The following THSD4 variants were observed in gnomAD, a reference collection of about 807,000 sequenced individuals.
THSD4 encodes the protein thrombospondin type-1 domain-containing protein 4.
THSD4 carries 69 observed loss-of-function variants against 119.0 expected under a neutral mutation model. The ratio of observed to expected loss-of-function variants is 0.58; its 90% CI spans 0.48 to 0.71. The LOEUF (loss-of-function observed/expected upper bound fraction) is 0.71, where lower values mean the gene tolerates loss of function less well. Ranked by LOEUF, THSD4 falls within the 30% of genes least tolerant of loss-of-function variation. The pLI is 0.00. For synonymous variants in THSD4, 524 were observed against 540.4 expected (o/e 0.97, Z 0.42); for missense variants, 1,393 against 1,391.1 (o/e 1.00, Z -0.02).
intron 7 of THSD4, among the ~76,000 whole-genome samples, chr15:71,507,200 C>A (rs1325863668): frequency 6.6e-6 from 1 of 152,186 alleles, no homozygotes; most frequent in Non-Finnish European, 1.5e-5. Context: ...CCCGCTGGCT[C>A]AGAGCTCTGC....
chr15:71,405,328 G>T (rs926205968), intron 6 of THSD4, among the ~76,000 whole-genome samples: 14 of 152,320 alleles, frequency 9.2e-5, no homozygotes, highest in African/African-American at 3.4e-4. Flanking sequence ...CCTAAAAGCA[G>T]AATTGTTGGG....
chr15:71,554,282 G>C (rs72475956), intron 7 of THSD4, among the ~76,000 whole-genome samples: 1 of 150,058 alleles, frequency 6.7e-6, no homozygotes, highest in East Asian at 2.0e-4. Flanking sequence ...TTTTTTAGTA[G>C]AGATGGGTTT....
intron 11 of THSD4, 55 bp from the exon 12 acceptor site, chr15:71,745,051 A>G: frequency 6.4e-7 from 1 of 1,568,656 alleles, no homozygotes; most frequent in East Asian, 2.3e-5. Flanking sequence ...CTCCACCCAT[A>G]GCCCAGCTTT....
chr15:71,517,544 C>A (rs763551009), intron 7 of THSD4, among the ~76,000 whole-genome samples: 5 of 152,134 alleles, frequency 3.3e-5, no homozygotes, highest in Non-Finnish European at 7.4e-5. Flanking sequence ...TAATTTCAGG[C>A]CAAAGGACAT....
At chr15:71,419,173 G>C (rs1441365896) in intron 7 of THSD4, among the ~76,000 whole-genome samples, 1 of 96,276 alleles carries the variant, frequency 1.0e-5, no homozygotes, top group African/African-American at 3.5e-5. Flanking sequence ...TTTCTGCTCT[G>C]ATCTTTATTA....
intron 7 of THSD4, among the ~76,000 whole-genome samples, chr15:71,637,649 G>C (rs904555864): frequency 3.3e-5 from 5 of 152,214 alleles, no homozygotes; most frequent in Middle Eastern, 3.2e-3. Flanking sequence ...CCAGGGGCTG[G>C]GGGAGGTGGC....
At chr15:71,732,467 AC>A (rs1378909957) in intron 10 of THSD4, 6 of 152,182 alleles carry the variant, frequency 3.9e-5, no homozygotes, top group Non-Finnish European at 8.8e-5. Context: ...GATGGAGCCC[AC>A]CACCCAAATG....
At chr15:71,402,831 A>G (rs919677427) in intron 6 of THSD4, among the ~76,000 whole-genome samples, 2 of 152,184 alleles carry the variant, frequency 1.3e-5, no homozygotes, top group African/African-American at 4.8e-5. Context: ...CATCCACTAC[A>G]TATGCCGTGA....
intron 7 of THSD4, among the ~76,000 whole-genome samples, chr15:71,584,117 G>T (rs1440928467): frequency 6.6e-6 from 1 of 151,896 alleles, no homozygotes; most frequent in Non-Finnish European, 1.5e-5. Flanking sequence ...TTCTCTTGAT[G>T]ATTCTCTTGA....
rs4777437 is a variant in THSD4 at position 71,679,090 on chromosome 15, A to T, written c.1357+18356A>T. On this transcript the variant is annotated intron_variant, in intron 8 of 17. Transcript: ENST00000261862. Reference sequence around the variant, plus strand: ...TTTCAATGGATATCTGTAAGCACCTACTGTGTACAATATATTATGAAGAGA... The same window carrying T: ...TTTCAATGGATATCTGTAAGCACCTTCTGTGTACAATATATTATGAAGAGA... Among the ~76,000 whole-genome samples, 960 of 152,276 alleles carry T rather than the reference A, an allele frequency of 6.3e-3. 21 individuals are homozygous for T. The highest frequency in any genetic ancestry group is 0.043 in the East Asian group (224 of 5,178).
intron 4 of THSD4, among the ~76,000 whole-genome samples, chr15:71,241,839 A>G (rs113277314): frequency 0.073 from 11,145 of 152,292 alleles, 1,349 homozygotes; most frequent in African/African-American, 0.25. Flanking sequence ...GTGGCCCAGG[A>G]TGGCTTTGAA....
intron 6 of THSD4, among the ~76,000 whole-genome samples, chr15:71,382,838 AT>A (rs2046245261): frequency 6.6e-6 from 1 of 152,222 alleles, no homozygotes; most frequent in Non-Finnish European, 1.5e-5. Flanking sequence ...TCTATACTGT[AT>A]TAAAAAATGC....
At chr15:71,723,232 G>T (rs1203255592) in intron 8 of THSD4, among the ~76,000 whole-genome samples, 1 of 152,084 alleles carries the variant, frequency 6.6e-6, no homozygotes. Context: ...TAATCAAATT[G>T]CCCTCCAATA....
At chr15:71,730,533 A>G (rs1371101230) in intron 9 of THSD4, 1 of 153,024 alleles carries the variant, frequency 6.5e-6, no homozygotes, top group Non-Finnish European at 1.5e-5. Flanking sequence ...CATCATTCCT[A>G]AGAGAATATG....
chr15:71,251,922 C>T (rs2044264282), intron 5 of THSD4, among the ~76,000 whole-genome samples: 1 of 152,310 alleles, frequency 6.6e-6, no homozygotes, highest in African/African-American at 2.4e-5. Flanking sequence ...GGATAGGGCT[C>T]ATATTGCTTT....
At chr15:71,161,662 C>T (rs1596232693) in intron 3 of THSD4, among the ~76,000 whole-genome samples, 1 of 151,604 alleles carries the variant, frequency 6.6e-6, no homozygotes, top group Non-Finnish European at 1.5e-5. Context: ...CTTTTAGGCA[C>T]CATATAGTTG....
chr15:71,727,135 C>T (rs1474866769), intron 8 of THSD4, among the ~76,000 whole-genome samples: 1 of 152,070 alleles, frequency 6.6e-6, no homozygotes, highest in Non-Finnish European at 1.5e-5. Context: ...GGTCTGACCC[C>T]TATGGGCCTC....
At position 71,728,545 on chromosome 15, in the gene THSD4, A is replaced by G; in HGVS notation, c.1358-4A>G. On this transcript the variant is annotated splice_polypyrimidine_tract_variant and splice_region_variant and intron_variant, in intron 8 of 17. Transcript: ENST00000261862. ...CCAAAGAACTGTCTGATTTTTCTCA[A>G]CAGCCCTGAGAAGTCGTTCTGGACG... 6.2e-7 allele frequency: 1 copy of G among 1,612,474 alleles called. No homozygotes were observed. The highest frequency in any genetic ancestry group is 8.5e-7 in the Non-Finnish European group (1 of 1,179,536).
At chr15:71,263,850 C>T (rs185176291) in intron 6 of THSD4, among the ~76,000 whole-genome samples, 7 of 152,344 alleles carry the variant, frequency 4.6e-5, no homozygotes, top group Admixed American at 3.3e-4. Context: ...CTGTGGCTGG[C>T]CCTAGTGACT....
Sources: allele counts gnomAD v4.1 joint callset (sites outside exome capture counted in the v4.1 genomes callset), GRCh38; gene constraint gnomAD v4.1.1; transcripts MANE v1.5; gene names NCBI Gene and HGNC (gene_info 2026-07-23, HGNC 2026-07-21).